Variants in RABGAP1L observed in about 807,000 individuals in gnomAD.
RABGAP1L encodes the protein rab GTPase-activating protein 1-like.
Under a neutral mutation model 137.7 loss-of-function variants are expected in RABGAP1L, and 63 were observed. The ratio of observed to expected loss-of-function variants is 0.46; its 90% CI spans 0.37 to 0.56. The LOEUF is 0.56. Among genes scored for constraint, RABGAP1L ranks in the 20% least tolerant of loss-of-function variants. The probability of loss-of-function intolerance (pLI) is 0.00; values close to 1 mark genes in which losing one functional copy is unlikely to be tolerated. For missense variants in RABGAP1L, 1,095 were observed against 1,244.0 expected, an observed-to-expected ratio of 0.88 and a Z score of 1.80; for synonymous variants, 431 against 433.7, an observed-to-expected ratio of 0.99 and a Z score of 0.08.
At chr1:174,781,069 C>A (rs1686964946) in intron 18 of RABGAP1L, among the ~76,000 whole-genome samples, 1 of 152,200 alleles carries the variant, frequency 6.6e-6, no homozygotes, top group East Asian at 1.9e-4. Flanking sequence ...ATTTATATTC[C>A]TTTGGGTATA....
intron 19 of RABGAP1L, among the ~76,000 whole-genome samples, chr1:174,935,928 C>T (rs1445633977): frequency 2.1e-5 from 3 of 143,504 alleles, no homozygotes; most frequent in African/African-American, 7.8e-5. Flanking sequence ...AGGTGGTGAG[C>T]CAAGATTGCA....
chr1:174,474,467 T>G (rs1425770235), intron 13 of RABGAP1L, among the ~76,000 whole-genome samples: 1 of 152,210 alleles, frequency 6.6e-6, no homozygotes, highest in Non-Finnish European at 1.5e-5. Context: ...TGCTCTGCTC[T>G]TTCTTTTATG....
intron 13 of RABGAP1L, among the ~76,000 whole-genome samples, chr1:174,550,514 G>T (rs1019343296): frequency 1.3e-5 from 2 of 152,064 alleles, no homozygotes; most frequent in African/African-American, 4.8e-5. Flanking sequence ...GACTACTCTT[G>T]TATGTTCTGC....
intron 1 of RABGAP1L, among the ~76,000 whole-genome samples, chr1:174,207,169 C>CT (rs1359255230): frequency 6.6e-6 from 1 of 152,046 alleles, no homozygotes; most frequent in Non-Finnish European, 1.5e-5. Flanking sequence ...ACATAAAAAT[C>CT]TTTTGTCAGA....
intron 19 of RABGAP1L, among the ~76,000 whole-genome samples, chr1:174,817,762 A>T (rs970957072): frequency 6.6e-6 from 1 of 152,236 alleles, no homozygotes; most frequent in African/African-American, 2.4e-5. Context: ...AGACCATTTC[A>T]GGAGCTGTTG....
chr1:174,162,487 A>C (rs1571314709), intron 1 of RABGAP1L, among the ~76,000 whole-genome samples: 1 of 152,054 alleles, frequency 6.6e-6, no homozygotes, highest in East Asian at 1.9e-4. Flanking sequence ...AAGTAGCAAA[A>C]ATTTCCTATA....
intron 19 of RABGAP1L, chr1:174,897,024 C>G (rs1179762773): frequency 6.6e-6 from 1 of 152,124 alleles, no homozygotes; most frequent in Non-Finnish European, 1.5e-5. Flanking sequence ...TGTAAATTAC[C>G]TTGGGCAGTA....
intron 13 of RABGAP1L, among the ~76,000 whole-genome samples, chr1:174,451,906 C>G (rs547588511): frequency 6.6e-6 from 1 of 152,174 alleles, no homozygotes; most frequent in Admixed American, 6.5e-5. Context: ...TTTGAAATCT[C>G]TATCAATTTC....
intron 5 of RABGAP1L, chr1:174,246,040 AT>A (rs1672229683): frequency 6.6e-6 from 1 of 152,164 alleles, no homozygotes; most frequent in Non-Finnish European, 1.5e-5. Context: ...TATGTTATTT[AT>A]TTTAAATAAA....
chr1:174,648,180 G>T (rs1437388358), intron 14 of RABGAP1L, among the ~76,000 whole-genome samples: 2 of 151,366 alleles, frequency 1.3e-5, no homozygotes, highest in Non-Finnish European at 2.9e-5. Flanking sequence ...AGTTTTTTTT[G>T]AAGGGTTTTT....
intron 17 of RABGAP1L, among the ~76,000 whole-genome samples, chr1:174,713,212 ATCT>A (rs955957553): frequency 2.0e-5 from 3 of 152,214 alleles, no homozygotes; most frequent in African/African-American, 4.8e-5. Context: ...TCCTGACTAC[ATCT>A]TCTTTGGTCT....
intron 13 of RABGAP1L, among the ~76,000 whole-genome samples, chr1:174,523,888 T>C (rs188338764): frequency 6.6e-6 from 1 of 152,328 alleles, no homozygotes. Context: ...ACATATGGTA[T>C]TTATCTTTCT....
chr1:174,659,765 T>C (rs1676235633), intron 14 of RABGAP1L, among the ~76,000 whole-genome samples: 1 of 152,240 alleles, frequency 6.6e-6, no homozygotes, highest in East Asian at 1.9e-4. Context: ...ATACAGCCTA[T>C]GTAAAACAGA....
chr1:174,754,328 T>C (rs948142258), intron 18 of RABGAP1L, among the ~76,000 whole-genome samples: 2 of 152,166 alleles, frequency 1.3e-5, no homozygotes, highest in Non-Finnish European at 2.9e-5. Context: ...ACTTTAATGA[T>C]CTATTGCCAC....
intron 13 of RABGAP1L, among the ~76,000 whole-genome samples, chr1:174,426,554 A>G (rs1208426784): frequency 6.6e-6 from 1 of 152,102 alleles, no homozygotes; most frequent in African/African-American, 2.4e-5. Context: ...AAAAGCATAG[A>G]CTGGAAATAC....
At chr1:174,556,223 C>G (rs1666875805) in intron 13 of RABGAP1L, among the ~76,000 whole-genome samples, 1 of 151,960 alleles carries the variant, frequency 6.6e-6, no homozygotes, top group African/African-American at 2.4e-5. Context: ...TTCTCGAACT[C>G]CTGACCTCAT....
chr1:174,705,866 A>G (rs529311386), intron 17 of RABGAP1L: 1 of 152,276 alleles, frequency 6.6e-6, no homozygotes, highest in South Asian at 2.1e-4. Flanking sequence ...ACAGTCTTAA[A>G]TAGATTATCC....
intron 13 of RABGAP1L, among the ~76,000 whole-genome samples, chr1:174,531,118 C>A (rs1664365125): frequency 6.6e-6 from 1 of 152,078 alleles, no homozygotes; most frequent in African/African-American, 2.4e-5. Flanking sequence ...ATAGTAGACG[C>A]TTTCATTTAT....
At chr1:174,565,506 CCT>C (rs1572344601) in intron 13 of RABGAP1L, among the ~76,000 whole-genome samples, 1 of 152,020 alleles carries the variant, frequency 6.6e-6, no homozygotes, top group Non-Finnish European at 1.5e-5. Flanking sequence ...ATTTATGACC[CCT>C]GTCTGTAGCT....
Sources: allele counts gnomAD v4.1 joint callset (sites outside exome capture counted in the v4.1 genomes callset), GRCh38; gene constraint gnomAD v4.1.1; transcripts MANE v1.5; gene names NCBI Gene and HGNC (gene_info 2026-07-23, HGNC 2026-07-21).